The following OPA1 variants were observed in gnomAD, a reference collection of about 807,000 sequenced individuals.
The protein encoded by OPA1 is OPA1 mitochondrial dynamin like GTPase, also known as dynamin-like GTPase OPA1, mitochondrial.
A neutral mutation model predicts 152.9 loss-of-function variants in OPA1; 59 were observed. The ratio of observed to expected loss-of-function variants is 0.39; its 90% CI spans 0.31 to 0.48. The LOEUF (loss-of-function observed/expected upper bound fraction) is 0.48, where lower values mean the gene tolerates loss of function less well. OPA1 is among the 20% of genes least tolerant of loss of function. The pLI is 0.96. For missense variants in OPA1, 1,008 were observed against 1,216.8 expected, an observed-to-expected ratio of 0.83 and a Z score of 2.55; for synonymous variants, 400 against 389.9, an observed-to-expected ratio of 1.03 and a Z score of -0.31.
At chr3:193,662,992 T>C in intron 26 of OPA1, 30 bp downstream of exon 26, 2 of 1,609,308 alleles carry the variant, frequency 1.2e-6, no homozygotes, top group Non-Finnish European at 1.7e-6. Context: ...AGCAGGAATC[T>C]GCTTCCTTAA....
chr3:193,609,354 T>G (rs911201469), intron 1 of OPA1, among the ~76,000 whole-genome samples: 3 of 152,226 alleles, frequency 2.0e-5, no homozygotes, highest in Non-Finnish European at 4.4e-5. Flanking sequence ...TTAAGAATGT[T>G]GAATATTGGC....
chr3:193,634,761 A>C (rs532572258), intron 8 of OPA1, among the ~76,000 whole-genome samples: 1 of 152,294 alleles, frequency 6.6e-6, no homozygotes, highest in African/African-American at 2.4e-5. Context: ...AAACATAACA[A>C]AACATAGAAG....
At chr3:193,659,141 T>G (rs1045964990) in intron 24 of OPA1, 146 bp downstream of exon 24, 2 of 706,074 alleles carry the variant, frequency 2.8e-6, no homozygotes, top group Non-Finnish European at 5.0e-6. Context: ...GGAATTTTTT[T>G]AGTCAACTGC....
At chr3:193,619,041 A>G (rs1482846157) in intron 6 of OPA1, 105 bp downstream of exon 6, 4 of 876,554 alleles carry the variant, frequency 4.6e-6, no homozygotes, top group Non-Finnish European at 7.6e-6. Flanking sequence ...AAGCAAATAC[A>G]AAAACATCCA....
At chr3:193,658,502 CAT>C (rs982472449) in intron 23 of OPA1, among the ~76,000 whole-genome samples, 1 of 152,062 alleles carries the variant, frequency 6.6e-6, no homozygotes, top group Non-Finnish European at 1.5e-5. Context: ...AAAAGGCTAA[CAT>C]GTAGGTCACA....
chr3:193,619,080 C>A, intron 6 of OPA1, 144 bp downstream of exon 6: 3 of 710,034 alleles, frequency 4.2e-6, no homozygotes, highest in Non-Finnish European at 5.0e-6. Flanking sequence ...AATCTTAGTG[C>A]AAAGTACAAG....
At chr3:193,681,958 A>C (rs149067844) in intron 29 of OPA1, among the ~76,000 whole-genome samples, 41 of 152,346 alleles carry the variant, frequency 2.7e-4, no homozygotes, top group African/African-American at 4.3e-4. Context: ...TACATGTTCA[A>C]GTGAAAGAAA....
chr3:193,599,551 A>G (rs945903163), intron 1 of OPA1, among the ~76,000 whole-genome samples: 2 of 152,000 alleles, frequency 1.3e-5, no homozygotes, highest in Non-Finnish European at 2.9e-5. Flanking sequence ...AGGGAGTCCA[A>G]AATGTCACCT....
intron 11 of OPA1, among the ~76,000 whole-genome samples, chr3:193,639,908 G>C (rs1475811637): frequency 6.6e-6 from 1 of 152,192 alleles, no homozygotes; most frequent in Non-Finnish European, 1.5e-5. Flanking sequence ...TTGATATGGA[G>C]AGGGGAGAGA....
chr3:193,615,007 G>GATC lies in OPA1; in HGVS notation c.318_320dup (p.Ser107dup). The GATC allele has an allele frequency of 6.2e-7, 1 of 1,614,190 alleles. No homozygotes were observed. Among genetic ancestry groups the GATC allele is most frequent in the Non-Finnish European group, 8.5e-7 (1 of 1,180,026 alleles). On this transcript the variant is annotated inframe_insertion, in exon 2 of 31. Transcript: ENST00000361510. ...TTAAAACTTCGCTATCTCATACTAG[G>GATC]ATCGGCTGTTGGGGGTGGCTACACA...
At chr3:193,607,381 A>G (rs182021949) in intron 1 of OPA1, among the ~76,000 whole-genome samples, 20 of 152,326 alleles carry the variant, frequency 1.3e-4, no homozygotes, top group Admixed American at 2.6e-4. Context: ...GTTTTCTTCT[A>G]GGATTTTTAT....
chr3:193,646,373 A>G (rs899061919), intron 18 of OPA1: 1 of 155,172 alleles, frequency 6.4e-6, no homozygotes, highest in Non-Finnish European at 1.4e-5. Flanking sequence ...GACAACATAT[A>G]GAACTGTGCT....
At chr3:193,668,757 T>G in intron 29 of OPA1, 1 of 1,246,984 alleles carries the variant, frequency 8.0e-7, no homozygotes, top group Non-Finnish European at 1.0e-6. Context: ...CCCCCTAGCT[T>G]GGCCCTACTA....
chr3:193,624,635 A>G (rs1027272935), intron 6 of OPA1, among the ~76,000 whole-genome samples: 1 of 152,146 alleles, frequency 6.6e-6, no homozygotes, highest in Admixed American at 6.5e-5. Context: ...TTATTTAAAG[A>G]CATGTCTTTT....
intron 29 of OPA1, among the ~76,000 whole-genome samples, chr3:193,679,206 G>T (rs770633047): frequency 6.6e-6 from 1 of 151,932 alleles, no homozygotes; most frequent in African/African-American, 2.4e-5. Flanking sequence ...TACCTGTGTA[G>T]CCTGCACATT....
At chr3:193,682,912 A>T (rs138482137) in intron 29 of OPA1, among the ~76,000 whole-genome samples, 4 of 152,276 alleles carry the variant, frequency 2.6e-5, no homozygotes, top group African/African-American at 9.6e-5. Context: ...TCAACCTTGA[A>T]GTCTTATTAT....
chr3:193,655,943 C>G (rs1028216240), intron 22 of OPA1, among the ~76,000 whole-genome samples: 6 of 152,170 alleles, frequency 3.9e-5, no homozygotes, highest in Non-Finnish European at 4.4e-5. Context: ...GATTTCACCC[C>G]TTTCCTATCT....
At chr3:193,632,256 C>T (rs189543626) in intron 8 of OPA1, among the ~76,000 whole-genome samples, 38 of 152,242 alleles carry the variant, frequency 2.5e-4, no homozygotes, top group Non-Finnish European at 4.3e-4. Flanking sequence ...CCGAAGTGGG[C>T]GGATCACAAG....
chr3:193,680,655 G>T (rs1274871751), intron 29 of OPA1, among the ~76,000 whole-genome samples: 1 of 151,642 alleles, frequency 6.6e-6, no homozygotes, highest in Non-Finnish European at 1.5e-5. Context: ...ACTAAATCAG[G>T]GAAAAATACA....
Sources: allele counts gnomAD v4.1 joint callset (sites outside exome capture counted in the v4.1 genomes callset), GRCh38; gene constraint gnomAD v4.1.1; transcripts MANE v1.5; gene names NCBI Gene and HGNC (gene_info 2026-07-23, HGNC 2026-07-21).